ZC3H7B: variants seen among roughly 807,000 people sequenced by gnomAD.
ZC3H7B encodes the protein zinc finger CCCH-type containing 7B.
ZC3H7B carries 35 observed loss-of-function variants against 116.0 expected under a neutral mutation model. That is an observed-to-expected ratio of 0.30 (90% CI 0.23 to 0.40). The LOEUF is 0.40. Among genes scored for constraint, ZC3H7B ranks in the 10% least tolerant of loss-of-function variants. The pLI, the probability that ZC3H7B is intolerant of heterozygous loss-of-function variation, is 1.00. For synonymous variants in ZC3H7B, 502 were observed against 545.6 expected, an observed-to-expected ratio of 0.92 and a Z score of 1.11; for missense variants, 1,011 against 1,321.5, an observed-to-expected ratio of 0.77 and a Z score of 3.64.
chr22:41,355,113 T>G (rs998027861), intron 17 of ZC3H7B, among the ~76,000 whole-genome samples: 1 of 152,154 alleles, frequency 6.6e-6, no homozygotes, highest in Non-Finnish European at 1.5e-5. Flanking sequence ...GGATAGTTTC[T>G]AGAACAGGCT....
rs1463093643 is a variant in ZC3H7B, at chr22:41,342,596, A to G, written c.1265A>G (p.Lys422Arg). The change falls in exon 12 of 23, where the codon AAG (lysine) becomes AGG (arginine). Residue 422 changes from lysine to arginine, a missense_variant. Around this residue, in one of 5 missense-constraint regions of ZC3H7B, gnomAD observed 179 missense variants for 178.5 expected, o/e 1.00. Transcript: ENST00000352645. ...KNPLAATHEF[K>R]QACQLCYPKT... is the part of the protein sequence containing the mutation. ...CCCTTGGCTGCCACCCACGAGTTCAAGCAGGCCTGCCAGCTCTGCTACCCC... is the reference window on the plus strand; with the variant it reads ...CCCTTGGCTGCCACCCACGAGTTCAGGCAGGCCTGCCAGCTCTGCTACCCC... 3.7e-6 allele frequency: 6 copies of G among 1,613,110 alleles called. No homozygotes were observed. The highest frequency in any genetic ancestry group is 4.2e-6 in the Non-Finnish European group (5 of 1,179,894).
At chr22:41,356,542 G>A (rs960121173) in intron 21 of ZC3H7B, 66 bp downstream of exon 21, 20 of 1,609,900 alleles carry the variant, frequency 1.2e-5, no homozygotes, top group Non-Finnish European at 1.5e-5. Flanking sequence ...CACCTGGGAG[G>A]GGCAGCCTGG....
intron 10 of ZC3H7B, among the ~76,000 whole-genome samples, chr22:41,340,391 C>T (rs575259483): frequency 6.6e-6 from 1 of 152,176 alleles, no homozygotes; most frequent in South Asian, 2.1e-4. Context: ...GACTCCCAGT[C>T]TGGTGCTCCC....
chr22:41,311,287 G>A (rs558905891), intron 1 of ZC3H7B, among the ~76,000 whole-genome samples: 12 of 152,044 alleles, frequency 7.9e-5, no homozygotes, highest in African/African-American at 2.9e-4. Flanking sequence ...AGGGGTTGCA[G>A]GGTGGGGAAA....
rs1373535528 is a variant in ZC3H7B at position 41,356,747 on chromosome 22, G to A, written c.2620G>A (p.Asp874Asn). ...GCACAAGGAGAAGGTCTTCACGTCC[G>A]ACAGTGACGCCAGCGGCTGGGCCTT... ...EKHKEKVFTS[D>N]SDASGWAFRF... The change falls in exon 22 of 23, where the codon GAC becomes AAC. Residue 874 changes from aspartate to asparagine, a missense_variant. Around this residue, in one of 5 missense-constraint regions of ZC3H7B, gnomAD observed 406 missense variants for 590.2 expected, o/e 0.69. Transcript: ENST00000352645. 6.2e-7 allele frequency: 1 copy of A among 1,613,672 alleles called. No homozygotes were observed. The highest frequency in any genetic ancestry group is 8.5e-7 in the Non-Finnish European group (1 of 1,180,002).
intron 6 of ZC3H7B, 102 bp downstream of exon 6, chr22:41,330,205 G>C: frequency 2.5e-6 from 3 of 1,223,078 alleles, no homozygotes; most frequent in Non-Finnish European, 3.5e-6. Flanking sequence ...GGCCAGGGCT[G>C]GGTTAGGACA....
intron 9 of ZC3H7B, 122 bp from the exon 10 acceptor site, chr22:41,339,694 C>A: frequency 1.2e-6 from 1 of 867,980 alleles, no homozygotes; most frequent in Non-Finnish European, 1.8e-6. Context: ...CCTGCTCCCA[C>A]ATGGGACAGG....
intron 11 of ZC3H7B, 138 bp downstream of exon 11, chr22:41,341,284 A>C: frequency 1.9e-6 from 2 of 1,027,748 alleles, no homozygotes; most frequent in Non-Finnish European, 2.9e-6. Flanking sequence ...GGATGGATCA[A>C]AGATGATCAC....
rs761662044 is a variant in ZC3H7B at position 41,343,918 on chromosome 22, G to A, written c.1459+342G>A. Among the ~76,000 whole-genome samples the A allele has an allele frequency of 4.6e-5, 7 of 152,158 alleles. No homozygotes were observed. In the South Asian group the frequency reaches 6.2e-4, roughly 13 times the overall value. The stretch of plus-strand genomic sequence containing the variant: ...CCACTGTAGGGCCCTGAGGGGCCGC[G>A]GGGCAGTGTGCCCAGCAGCCACATG... On this transcript the variant is annotated intron_variant, in intron 13 of 22. Transcript: ENST00000352645.
At chr22:41,348,720 C>T (rs140013817) in intron 15 of ZC3H7B, among the ~76,000 whole-genome samples, 128 of 152,318 alleles carry the variant, frequency 8.4e-4, no homozygotes, top group Non-Finnish European at 1.4e-3. Context: ...TGGGTTTCCT[C>T]GTCTGTAAAG....
intron 2 of ZC3H7B, among the ~76,000 whole-genome samples, chr22:41,321,829 C>CTA (rs1242651500): frequency 3.3e-5 from 3 of 90,976 alleles, no homozygotes; most frequent in African/African-American, 1.7e-4. Flanking sequence ...AACTCACATT[C>CTA]TTTTTTTTTT....
In ZC3H7B at chr22:41,351,578, A is replaced by G; in HGVS notation, c.1966A>G (p.Ile656Val). 6.2e-7 allele frequency: 1 copy of G among 1,613,750 alleles called. No homozygotes were observed. Among genetic ancestry groups the G allele is most frequent in the Non-Finnish European group, 8.5e-7 (1 of 1,179,852 alleles). ...QQYSGMTHED[I>V]VQESKKYWQQ... ...CTCCCCAGGCATGACCCACGAAGAC[A>G]TCGTTCAGGAGTCTAAGAAGTACTG... Residue 656 changes from isoleucine to valine, a missense_variant, in exon 17 of 23, where the codon ATC (isoleucine) becomes GTC (valine). Ile to Val is a conservative substitution (Grantham distance 29). Transcript: ENST00000352645. The surrounding 1 kb of genome is among the most constrained non-coding windows in gnomAD (Gnocchi z 5.1).
At chr22:41,353,585 C>G (rs2036679760) in intron 17 of ZC3H7B, among the ~76,000 whole-genome samples, 1 of 152,208 alleles carries the variant, frequency 6.6e-6, no homozygotes, top group Admixed American at 6.5e-5. Flanking sequence ...TCTGTGCCAT[C>G]CAGGCATGAG....
intron 15 of ZC3H7B, among the ~76,000 whole-genome samples, chr22:41,348,665 G>C (rs2036619344): frequency 6.6e-6 from 1 of 152,206 alleles, no homozygotes; most frequent in African/African-American, 2.4e-5. Flanking sequence ...CAGTCAGACA[G>C]ACCTGGGTCC....
intron 21 of ZC3H7B, 69 bp from the exon 22 acceptor site, chr22:41,356,576 G>A: frequency 1.9e-6 from 3 of 1,609,964 alleles, no homozygotes; most frequent in Non-Finnish European, 1.7e-6. Flanking sequence ...CCAGCGCTCA[G>A]CCTCTCCGAG....
chr22:41,323,288 A>G (rs2036280217), intron 2 of ZC3H7B, among the ~76,000 whole-genome samples: 3 of 152,030 alleles, frequency 2.0e-5, no homozygotes, highest in African/African-American at 7.2e-5. Context: ...GTCCTCTCCC[A>G]TTTTGGGGAG....
Position 41,339,045 on chromosome 22 carries a change from A to G in ZC3H7B, c.670A>G (p.Thr224Ala), listed in dbSNP as rs368514273. The G allele has an allele frequency of 6.2e-6, 10 of 1,605,346 alleles. No homozygotes were observed. The highest frequency in any genetic ancestry group is 8.5e-6 in the Non-Finnish European group (10 of 1,175,358). ...AGGCTCCCCAGCCCTTCTCCCCTCC[A>G]CGCCCACGATGCCCCTGTTCCCTCA... Reference protein sequence around the residue: ...PRGSPALLPSTPTMPLFPHVL... With the variant: ...PRGSPALLPSAPTMPLFPHVL... The change falls in exon 9 of 23, where the codon ACG (threonine) becomes GCG (alanine). Residue 224 changes from threonine to alanine, a missense_variant. Coordinates refer to ENST00000352645, the MANE Select transcript of ZC3H7B (RefSeq NM_017590.6).
In ZC3H7B at chr22:41,326,051, T is replaced by C. The variant is rs77494082; in HGVS notation, c.285+133T>C. 477 of 1,069,666 alleles carry C rather than the reference T, an allele frequency of 4.5e-4. 2 individuals carry two copies. The African/African-American group carries it at 7.1e-3, about 16-fold the overall frequency. 66.3% of individuals were successfully genotyped at this position (1,069,666 alleles called of 1,614,324 possible). On this transcript the variant is annotated intron_variant, in intron 4 of 22. Transcript: ENST00000352645. ...CTCCCAGCCTGCTTTCAGAATTTCA[T>C]TGTCTGTTCTCGTGGCTCTTAATCT...
At position 41,343,427 on chromosome 22, in the gene ZC3H7B, G is replaced by A. The variant is rs372074300; in HGVS notation, c.1310G>A (p.Gly437Asp). Residue 437 changes from glycine to aspartate, a missense_variant, in exon 13 of 23, where the codon GGC becomes GAC. Gly to Asp is a moderately conservative substitution (Grantham distance 94). Transcript: ENST00000352645. ...ACCCTGCCCATAGGCCCCCGGGCTGGCGACTACACCTACCGTGAGGGCCTT... is the reference window on the plus strand; with the variant it reads ...ACCCTGCCCATAGGCCCCCGGGCTGACGACTACACCTACCGTGAGGGCCTT... Reference protein sequence around the residue: ...LCYPKTGPRAGDYTYREGLEH... With the variant: ...LCYPKTGPRADDYTYREGLEH... 1.1e-5 allele frequency: 17 copies of A among 1,610,582 alleles called. No individual in the cohort carries two copies. Among genetic ancestry groups the A allele is most frequent in the Non-Finnish European group, 1.4e-5 (17 of 1,177,532 alleles).
Sources: gnomAD v4.1 joint callset for allele counts (sites outside exome capture counted in the v4.1 genomes callset) on GRCh38, gnomAD v4.1.1 for gene constraint, gnomAD v4.1.1 regional missense constraint, Gnocchi (gnomAD v3.1) non-coding constraint, MANE v1.5 for transcripts, NCBI Gene and HGNC (gene_info 2026-07-23, HGNC 2026-07-21) for gene names.